ABCC9: variants seen among roughly 807,000 people sequenced by gnomAD.
ABCC9 encodes ATP binding cassette subfamily C member 9, also known as ATP-binding cassette sub-family C member 9.
Under a neutral mutation model 188.3 loss-of-function variants are expected in ABCC9, and 95 were observed. The ratio of observed to expected loss-of-function variants is 0.50; its 90% CI spans 0.43 to 0.60. The LOEUF (loss-of-function observed/expected upper bound fraction) is 0.60. Ranked by LOEUF, ABCC9 falls within the 20% of genes least tolerant of loss-of-function variation. The pLI is 0.00. For missense variants in ABCC9, 1,102 were observed against 1,876.3 expected (o/e 0.59, Z 7.62); for synonymous variants, 659 against 652.7 (o/e 1.01, Z -0.15).
chr12:21,862,118 A>G lies in ABCC9; in HGVS notation c.2339+835T>C, dbSNP rs568731438. 1.4e-4 allele frequency among the ~76,000 whole-genome samples: 21 copies of G among 151,562 alleles called. 1 individual carries two copies. The highest frequency in any genetic ancestry group is 4.8e-4 in the African/African-American group (20 of 41,268). On this transcript the variant is annotated intron_variant, in intron 20 of 39. Coordinates refer to ENST00000261200, the MANE Select transcript of ABCC9 (RefSeq NM_020297.4). ...GTTCTTCAATTTTTTTTTCTCAACC[A>G]TCCCTTCTTTTATATTTCTACCGTC... is the stretch of plus-strand genomic sequence containing the variant.
chr12:21,917,642 C>T (rs933837721), intron 5 of ABCC9, among the ~76,000 whole-genome samples: 5 of 152,144 alleles, frequency 3.3e-5, no homozygotes, highest in African/African-American at 1.2e-4. Context: ...TGGTTTAAAA[C>T]ACCACGCACT....
intron 30 of ABCC9, among the ~76,000 whole-genome samples, chr12:21,831,368 C>G (rs76168843): frequency 6.6e-6 from 1 of 152,010 alleles, no homozygotes; most frequent in Non-Finnish European, 1.5e-5. Flanking sequence ...CATTCGGGAG[C>G]ATTTAGCAAT....
intron 4 of ABCC9, among the ~76,000 whole-genome samples, chr12:21,926,736 G>A (rs1949061080): frequency 6.6e-6 from 1 of 152,152 alleles, no homozygotes; most frequent in Non-Finnish European, 1.5e-5. Flanking sequence ...AAGAAGAGAG[G>A]AAGACAGTTC....
intron 29 of ABCC9, among the ~76,000 whole-genome samples, chr12:21,840,702 A>G (rs1485362131): frequency 6.6e-6 from 1 of 152,198 alleles, no homozygotes; most frequent in Non-Finnish European, 1.5e-5. Context: ...AAGAAATGTG[A>G]AGTTGATTAC....
intron 22 of ABCC9, among the ~76,000 whole-genome samples, chr12:21,853,140 C>T (rs535464288): frequency 6.6e-6 from 1 of 152,056 alleles, no homozygotes; most frequent in Non-Finnish European, 1.5e-5. Flanking sequence ...CATGGTGAAG[C>T]CCTGTCCTAC....
At position 21,828,962 on chromosome 12, in the gene ABCC9, C is replaced by T; in HGVS notation, c.3665G>A (p.Arg1222Lys). 6.2e-7 allele frequency: 1 copy of T among 1,613,286 alleles called. No homozygotes were observed. The highest frequency in any genetic ancestry group is 8.5e-7 in the Non-Finnish European group (1 of 1,179,288). ...LSAANRWLEV[R>K]TDYLGACIVL... ...GAAATCATGAAATGAACGTACCGTC[C>T]TGACCTCCAGCCATCTGTTGGCAGC... is the stretch of plus-strand genomic sequence containing the variant. Residue 1222 changes from arginine (R) to lysine (K), a missense_variant, in exon 31 of 40, where the codon AGG becomes AAG. Coordinates refer to ENST00000261200, the MANE Select transcript of ABCC9 (RefSeq NM_020297.4).
At position 21,916,989 on chromosome 12, in the gene ABCC9, A is replaced by C; in HGVS notation, c.521T>G (p.Val174Gly). The C allele has an allele frequency of 6.2e-7, 1 of 1,613,868 alleles. No homozygotes were observed. The highest frequency in any genetic ancestry group is 8.5e-7 in the Non-Finnish European group (1 of 1,179,820). The part of the protein sequence containing the change: ...NLRFCITGMM[V>G]ILNGLLMAVE... ...AGCCATCAAGAGCCCATTCAAGATG[A>C]CCATCATGCCTGTGATGCAGAAACG... The change falls in exon 6 of 40, where the codon GTC becomes GGC. Residue 174 changes from valine to glycine, a missense_variant. Around this residue, in one of 12 missense-constraint regions of ABCC9, gnomAD observed 305 missense variants for 573.0 expected, o/e 0.53. Coordinates refer to ENST00000261200, the MANE Select transcript of ABCC9 (RefSeq NM_020297.4).
chr12:21,878,011 TA>T (rs35757977), intron 16 of ABCC9, among the ~76,000 whole-genome samples: 150,593 of 151,442 alleles, frequency 0.99, 74,874 homozygotes, highest in East Asian at 1. Flanking sequence ...TCAATGGTGT[TA>T]AAAAAAAAAC....
intron 24 of ABCC9, among the ~76,000 whole-genome samples, chr12:21,849,676 T>C (rs976804016): frequency 1.3e-5 from 2 of 152,186 alleles, no homozygotes; most frequent in Non-Finnish European, 1.5e-5. Flanking sequence ...CATATTAAGC[T>C]CATTATAGGT....
chr12:21,906,086 G>T, intron 12 of ABCC9, 40 bp downstream of exon 12: 2 of 1,591,232 alleles, frequency 1.3e-6, no homozygotes, highest in Non-Finnish European at 1.7e-6. Flanking sequence ...TATTCTGGTT[G>T]CCCTTAAAGT....
At chr12:21,920,164 C>T (rs1223241316) in intron 5 of ABCC9, among the ~76,000 whole-genome samples, 1 of 151,840 alleles carries the variant, frequency 6.6e-6, no homozygotes, top group Non-Finnish European at 1.5e-5. Context: ...GACCATTTTC[C>T]CCTAAAATCA....
intron 5 of ABCC9, chr12:21,925,609 C>A (rs757890042): frequency 8.9e-6 from 6 of 672,396 alleles, no homozygotes; most frequent in Non-Finnish European, 1.6e-5. Context: ...CAGCTCCTCA[C>A]AAGAGCTCTG....
At position 21,803,134 on chromosome 12, in the gene ABCC9, T is replaced by A. The variant is rs2137091599; in HGVS notation, c.4513-1953A>T. Among the ~76,000 whole-genome samples, 3 of 152,066 alleles carry A rather than the reference T, an allele frequency of 2.0e-5. No homozygotes were observed. In the South Asian group the frequency reaches 6.2e-4, roughly 32 times the overall value. On this transcript the variant is annotated intron_variant, in intron 39 of 39. Coordinates refer to ENST00000261200, the MANE Select transcript of ABCC9 (RefSeq NM_020297.4). ...AAGATTTTGGAGCCTAATGTTTATTTATCTTTGAGAAAGGACCAGAGCCAT... is the reference window on the plus strand; with the variant it reads ...AAGATTTTGGAGCCTAATGTTTATTAATCTTTGAGAAAGGACCAGAGCCAT...
chr12:21,821,685 C>A (rs1487734359), intron 31 of ABCC9, among the ~76,000 whole-genome samples: 1 of 152,066 alleles, frequency 6.6e-6, no homozygotes, highest in African/African-American at 2.4e-5. Flanking sequence ...CTATATTGGG[C>A]TCCTGAATTC....
In ABCC9 at chr12:21,933,833, G is replaced by A. The variant is rs1253372454; in HGVS notation, c.233C>T (p.Ala78Val). 2.5e-6 allele frequency: 4 copies of A among 1,613,664 alleles called. No individual in the cohort carries two copies. Among genetic ancestry groups the A allele is most frequent in the Non-Finnish European group, 3.4e-6 (4 of 1,179,680 alleles). Residue 78 changes from alanine (A) to valine (V), a missense_variant, in exon 4 of 40, where the codon GCT (alanine) becomes GTT (valine). Physicochemically the swap from Ala to Val is moderately conservative, Grantham distance 64 (BLOSUM62 0). Transcript: ENST00000261200. ...GHNLRWILTF[A>V]LLFVHVCEIA... is the part of the protein sequence containing the mutation. The stretch of plus-strand genomic sequence containing the variant: ...TTCACAGACATGCACAAACAGGAGA[G>A]CGAATGTAAGAATCCATCTCAGGTT...
chr12:21,815,408 T>C (rs1251575953), intron 34 of ABCC9, among the ~76,000 whole-genome samples: 1 of 152,154 alleles, frequency 6.6e-6, no homozygotes, highest in Non-Finnish European at 1.5e-5. Flanking sequence ...GCCCACTTGT[T>C]CTTTTTACAA....
intron 22 of ABCC9, among the ~76,000 whole-genome samples, chr12:21,852,930 C>T (rs1039788137): frequency 5.9e-5 from 9 of 152,012 alleles, no homozygotes; most frequent in Non-Finnish European, 7.4e-5. Flanking sequence ...GTTCAAAAAC[C>T]GTATTACTCA....
Position 21,882,394 on chromosome 12 carries a change from A to T in ABCC9, c.2019+372T>A, listed in dbSNP as rs931819616. On this transcript the variant is annotated intron_variant, in intron 16 of 39. Coordinates refer to ENST00000261200, the MANE Select transcript of ABCC9 (RefSeq NM_020297.4). ...CACTAGTCTGAGTCTCCCCTGATTGAAAACAATGACTATTTAATTTATATT... is the reference window on the plus strand; with the variant it reads ...CACTAGTCTGAGTCTCCCCTGATTGTAAACAATGACTATTTAATTTATATT... Among the ~76,000 whole-genome samples the T allele has an allele frequency of 4.6e-5, 7 of 152,242 alleles. No homozygotes were observed. The South Asian group carries it at 8.3e-4, about 18-fold the overall frequency.
intron 4 of ABCC9, among the ~76,000 whole-genome samples, chr12:21,929,384 A>G (rs1949183463): frequency 6.6e-6 from 1 of 152,074 alleles, no homozygotes; most frequent in Non-Finnish European, 1.5e-5. Context: ...CCGGAATCAC[A>G]GGTAGAAATA....
Sources: allele counts gnomAD v4.1 joint callset (sites outside exome capture counted in the v4.1 genomes callset), GRCh38; gene constraint gnomAD v4.1.1; regional missense constraint gnomAD v4.1.1; transcripts MANE v1.5; gene names NCBI Gene and HGNC (gene_info 2026-07-23, HGNC 2026-07-21).